ZCCHC2: variants seen among roughly 807,000 people sequenced by gnomAD.
ZCCHC2 encodes the protein zinc finger CCHC-type containing 2.
Under a neutral mutation model 103.6 loss-of-function variants are expected in ZCCHC2, and 39 were observed. That is an observed-to-expected ratio of 0.38 (90% CI 0.29 to 0.49). The LOEUF is 0.49. Among genes scored for constraint, ZCCHC2 ranks in the 20% least tolerant of loss-of-function variants. The probability of loss-of-function intolerance (pLI) is 0.96; values close to 1 mark genes in which losing one functional copy is unlikely to be tolerated. For synonymous variants in ZCCHC2, 687 were observed against 608.9 expected, an observed-to-expected ratio of 1.13 and a Z score of -1.89; for missense variants, 1,483 against 1,491.0, an observed-to-expected ratio of 0.99 and a Z score of 0.09.
At chr18:62,564,083 TG>T (rs1427559416) in intron 9 of ZCCHC2, among the ~76,000 whole-genome samples, 4 of 152,246 alleles carry the variant, frequency 2.6e-5, no homozygotes, top group African/African-American at 9.6e-5. Context: ...TCTTGGAATG[TG>T]TTTTTATGCA....
At chr18:62,563,416 T>C (rs573879298) in intron 9 of ZCCHC2, among the ~76,000 whole-genome samples, 3 of 152,310 alleles carry the variant, frequency 2.0e-5, no homozygotes, top group African/African-American at 7.2e-5. Flanking sequence ...CCCAGCACTT[T>C]GGGAAGCTAA....
At chr18:62,546,924 A>G (rs770221347) in intron 4 of ZCCHC2, among the ~76,000 whole-genome samples, 19 of 152,238 alleles carry the variant, frequency 1.2e-4, no homozygotes, top group Admixed American at 3.3e-4. Context: ...GTTACATGAA[A>G]TAATCTGCAA....
chr18:62,560,283 G>T, intron 7 of ZCCHC2: 1 of 231,160 alleles, frequency 4.3e-6, no homozygotes. Context: ...TTTTTTAATG[G>T]TTAAAAAGTT....
chr18:62,552,622 G>C (rs745804568), intron 5 of ZCCHC2: 1 of 152,102 alleles, frequency 6.6e-6, no homozygotes, highest in Non-Finnish European at 1.5e-5. Context: ...TAAGTGGCTG[G>C]GCATGGTGGG....
chr18:62,525,652 T>C (rs1914350394), intron 1 of ZCCHC2, among the ~76,000 whole-genome samples: 2 of 152,278 alleles, frequency 1.3e-5, no homozygotes, highest in South Asian at 4.1e-4. Flanking sequence ...TGAACCCCTT[T>C]TTTAAAACGA....
intron 11 of ZCCHC2, among the ~76,000 whole-genome samples, chr18:62,566,169 C>T (rs996192292): frequency 6.6e-6 from 1 of 152,232 alleles, no homozygotes; most frequent in African/African-American, 2.4e-5. Flanking sequence ...CGCTTGAACC[C>T]GGGAGGCAGA....
intron 5 of ZCCHC2, among the ~76,000 whole-genome samples, chr18:62,553,306 A>G (rs143116417): frequency 2.7e-4 from 41 of 152,210 alleles, no homozygotes; most frequent in African/African-American, 9.4e-4. Context: ...CAGTACATGT[A>G]AAAAGATGGC....
rs779860446 is a variant in ZCCHC2, at chr18:62,523,952, C to T, written c.528C>T (p.Tyr176=). 1.8e-4 allele frequency: 276 copies of T among 1,516,064 alleles called. 2 individuals carry two copies. Among genetic ancestry groups the T allele is most frequent in the Non-Finnish European group, 6.1e-5 (69 of 1,135,974 alleles). The allele number at this position is 1,516,064 out of a possible 1,614,324, so 93.9% of individuals were successfully genotyped here. Reference sequence around the variant, plus strand: ...CGGTGCGCTCGCGCCTCATCGTCTACCTGGCGCTGCTGGGCTCGGAGAACC... The same window carrying T: ...CGGTGCGCTCGCGCCTCATCGTCTATCTGGCGCTGCTGGGCTCGGAGAACC... ...EPAVRSRLIV[Y]LALLGSENRE... is the part of the protein sequence containing the mutation. Residue 176 remains tyrosine (Y), a synonymous_variant, in exon 1 of 14, where the codon TAC becomes TAT. Coordinates refer to ENST00000269499, the MANE Select transcript of ZCCHC2 (RefSeq NM_017742.6).
At chr18:62,570,694 G>T (rs1916564973) in intron 12 of ZCCHC2, among the ~76,000 whole-genome samples, 1 of 152,070 alleles carries the variant, frequency 6.6e-6, no homozygotes, top group African/African-American at 2.4e-5. Context: ...ACAGTATTTT[G>T]TTTTCTATCC....
Position 62,563,038 on chromosome 18 carries a change from A to T in ZCCHC2, c.1580A>T (p.Asp527Val), listed in dbSNP as rs748052752. The change falls in exon 9 of 14, where the codon GAT becomes GTT. Residue 527 changes from aspartate to valine, a missense_variant. By Grantham distance (152) the Asp-to-Val change is radical. Coordinates refer to ENST00000269499, the MANE Select transcript of ZCCHC2 (RefSeq NM_017742.6). Reference sequence around the variant, plus strand: ...ATTGGTACAAGTTGTTCTCCATTGGATGGGCTTACCATGCAATATTCTGAA... The same window carrying T: ...ATTGGTACAAGTTGTTCTCCATTGGTTGGGCTTACCATGCAATATTCTGAA... ...NNIGTSCSPLDGLTMQYSEQN... is the reference protein window; with the variant it reads ...NNIGTSCSPLVGLTMQYSEQN... The T allele has an allele frequency of 1.2e-6, 2 of 1,613,230 alleles. No homozygotes were observed. The highest frequency in any genetic ancestry group is 1.3e-5 in the African/African-American group (1 of 74,896).
intron 11 of ZCCHC2, among the ~76,000 whole-genome samples, chr18:62,566,593 C>CGA (rs1916373582): frequency 6.6e-6 from 1 of 152,240 alleles, no homozygotes; most frequent in Non-Finnish European, 1.5e-5. Flanking sequence ...CAAGCTCACT[C>CGA]TGTCTCTTGT....
chr18:62,550,018 T>A (rs1240232959), intron 4 of ZCCHC2, among the ~76,000 whole-genome samples: 1 of 152,202 alleles, frequency 6.6e-6, no homozygotes, highest in East Asian at 1.9e-4. Context: ...CTCGAGAACC[T>A]TAGCATGGGT....
rs186034611 is a variant in ZCCHC2, at chr18:62,570,185, A to T, written c.1929A>T (p.Arg643=). 3 of 1,611,930 alleles carry T rather than the reference A, an allele frequency of 1.9e-6. No individual in the cohort carries two copies. Among genetic ancestry groups the T allele is most frequent in the South Asian group, 2.2e-5 (2 of 90,486 alleles). ...GTTACAGTTCTCCATCTAGTCCCCG[A>T]CATGATGGAAGAGAAAGTTTTGAAA... ...SESYSSPSSP[R]HDGRESFESE... is the part of the protein sequence containing the mutation. Residue 643 remains arginine (R), a synonymous_variant, in exon 12 of 14, where the codon CGA becomes CGT. Coordinates refer to ENST00000269499, the MANE Select transcript of ZCCHC2 (RefSeq NM_017742.6).
chr18:62,579,779 A>G (rs1048853408), downstream of ZCCHC2, among the ~76,000 whole-genome samples: 8 of 151,796 alleles, frequency 5.3e-5, no homozygotes, highest in South Asian at 8.3e-4. Flanking sequence ...CTGGAGTGCA[A>G]TGGTGCAATC....
chr18:62,555,824 A>G (rs952659941), intron 5 of ZCCHC2, among the ~76,000 whole-genome samples: 1 of 151,752 alleles, frequency 6.6e-6, no homozygotes, highest in Non-Finnish European at 1.5e-5. Flanking sequence ...AAAAAAAAGT[A>G]CAGCCAAATA....
intron 5 of ZCCHC2, among the ~76,000 whole-genome samples, chr18:62,555,036 T>C (rs1426493790): frequency 1.3e-5 from 2 of 152,194 alleles, no homozygotes; most frequent in Non-Finnish European, 2.9e-5. Context: ...TCAAAACTAA[T>C]AGAATGGGAT....
intron 4 of ZCCHC2, among the ~76,000 whole-genome samples, chr18:62,545,240 AC>A (rs1423413606): frequency 1.3e-5 from 2 of 151,722 alleles, no homozygotes; most frequent in Non-Finnish European, 2.9e-5. Flanking sequence ...AAAAAAAGGA[AC>A]CCTGTTCCTA....
Position 62,523,922 on chromosome 18 carries a change from G to C in ZCCHC2, c.498G>C (p.Glu166Asp). Residue 166 changes from glutamate to aspartate, a missense_variant, in exon 1 of 14, where the codon GAG becomes GAC. By Grantham distance (45) the Glu-to-Asp change is conservative. Around this residue, in one of 3 missense-constraint regions of ZCCHC2, gnomAD observed 568 missense variants for 525.1 expected, o/e 1.08. Transcript: ENST00000269499. ...SDPGPLADFR[E>D]PAVRSRLIVY... ...CGGGGCCGCTGGCCGACTTCCGAGA[G>C]CCCGCGGTGCGCTCGCGCCTCATCG... The C allele has an allele frequency of 6.5e-7, 1 of 1,532,414 alleles. No homozygotes were observed. Among genetic ancestry groups the C allele is most frequent in the South Asian group, 1.2e-5 (1 of 83,256 alleles). The allele number at this position is 1,532,414 out of a possible 1,614,324, so 94.9% of individuals were successfully genotyped here.
At chr18:62,545,014 A>G in intron 4 of ZCCHC2, 141 bp downstream of exon 4, 1 of 624,892 alleles carries the variant, frequency 1.6e-6, no homozygotes, top group Non-Finnish European at 2.6e-6. Flanking sequence ...TAGCTGTGGA[A>G]AACGTCATGT....
Sources: gnomAD v4.1 joint callset for allele counts (sites outside exome capture counted in the v4.1 genomes callset) on GRCh38, gnomAD v4.1.1 for gene constraint, gnomAD v4.1.1 regional missense constraint, MANE v1.5 for transcripts, NCBI Gene and HGNC (gene_info 2026-07-23, HGNC 2026-07-21) for gene names.